CACNA1S: variants seen among roughly 807,000 people sequenced by gnomAD.
CACNA1S encodes voltage-dependent L-type calcium channel subunit alpha-1S.
CACNA1S carries 126 observed loss-of-function variants against 207.4 expected under a neutral mutation model. That is an observed-to-expected ratio of 0.61 (90% CI 0.53 to 0.70). CACNA1S has a LOEUF of 0.70. Ranked by LOEUF, CACNA1S falls within the 30% of genes least tolerant of loss-of-function variation. CACNA1S has a pLI of 0.00. For synonymous variants in CACNA1S, 960 were observed against 932.7 expected (o/e 1.03, Z -0.53); for missense variants, 2,349 against 2,422.8 (o/e 0.97, Z 0.64).
At chr1:201,092,391 G>A (rs189360650) in intron 3 of CACNA1S, among the ~76,000 whole-genome samples, 3 of 152,284 alleles carry the variant, frequency 2.0e-5, no homozygotes, top group Admixed American at 2.0e-4. Flanking sequence ...TGAGGTATGT[G>A]TGCCACAGGG....
Position 201,049,109 on chromosome 1 carries a change from G to C in CACNA1S, c.4242-10C>G, listed in dbSNP as rs574154912. ...GTGTTTGATTCTCCCCCTGCGGGAG[G>C]ACACACAGACTTGTGTACCTGCTAC... is the stretch of plus-strand genomic sequence containing the variant. On this transcript the variant is annotated splice_polypyrimidine_tract_variant and intron_variant, in intron 34 of 43. Coordinates refer to ENST00000362061, the MANE Select transcript of CACNA1S (RefSeq NM_000069.3). 5.0e-6 allele frequency: 8 copies of C among 1,592,446 alleles called. No homozygotes were observed. Among genetic ancestry groups the C allele is most frequent in the East Asian group, 4.5e-5 (2 of 44,318 alleles).
chr1:201,073,025 C>A (rs3767506), intron 15 of CACNA1S, among the ~76,000 whole-genome samples: 1 of 152,166 alleles, frequency 6.6e-6, no homozygotes, highest in Admixed American at 6.5e-5. Context: ...AAAGCTCCCA[C>A]GGGGCAAGGC....
At chr1:201,089,932 G>T (rs969846645) in intron 5 of CACNA1S, among the ~76,000 whole-genome samples, 2 of 152,194 alleles carry the variant, frequency 1.3e-5, no homozygotes, top group Admixed American at 6.5e-5. Flanking sequence ...ACGGGGCAGG[G>T]GTCTGCACTC....
At chr1:201,070,156 A>T (rs938870903) in intron 17 of CACNA1S, 116 bp downstream of exon 17, 2 of 1,139,352 alleles carry the variant, frequency 1.8e-6, no homozygotes, top group African/African-American at 1.5e-5. Flanking sequence ...AAGCTAAAAC[A>T]CTGAGTTTCT....
At chr1:201,063,264 G>A (rs1572037024) in intron 22 of CACNA1S, among the ~76,000 whole-genome samples, 1 of 151,612 alleles carries the variant, frequency 6.6e-6, no homozygotes, top group African/African-American at 2.4e-5. Context: ...GGGTCCCTGA[G>A]CAACATGTTT....
At chr1:201,084,289 A>G (rs1250684910) in intron 9 of CACNA1S, among the ~76,000 whole-genome samples, 2 of 152,144 alleles carry the variant, frequency 1.3e-5, no homozygotes, top group Admixed American at 1.3e-4. Flanking sequence ...AACAAAAACA[A>G]AAAAATCCTG....
intron 2 of CACNA1S, among the ~76,000 whole-genome samples, chr1:201,105,562 G>C (rs964935747): frequency 1.3e-5 from 2 of 152,040 alleles, no homozygotes; most frequent in African/African-American, 2.4e-5. Context: ...TCAGAGGCCC[G>C]TGCCACTGTG....
intron 1 of CACNA1S, among the ~76,000 whole-genome samples, chr1:201,111,940 T>TCCTCCCCCACCCTCCTCCTCTTCCTCCA: frequency 7.2e-6 from 1 of 138,814 alleles, no homozygotes; most frequent in African/African-American, 2.9e-5. Flanking sequence ...CTCTTCCTCC[T>TCCTCCCCCACCCTCCTCCTCTTCCTCCA]CCTCCCCCAC....
rs1215999888 is a variant in CACNA1S at position 201,039,771 on chromosome 1, C to G, written c.*60G>C. 3.8e-6 allele frequency: 6 copies of G among 1,598,188 alleles called. No individual in the cohort carries two copies. The East Asian group carries it at 1.3e-4, about 36-fold the overall frequency. ...GTGGGCTAGCCCTTCTCCACCCCAG[C>G]AACTTCCCCACCCCCATTGGTCATG... On this transcript the variant is annotated 3_prime_UTR_variant, in exon 44 of 44. Transcript: ENST00000362061.
At chr1:201,111,480 G>A (rs576148387) in intron 1 of CACNA1S, among the ~76,000 whole-genome samples, 1 of 152,148 alleles carries the variant, frequency 6.6e-6, no homozygotes, top group South Asian at 2.1e-4. Context: ...GAGTTTCAAA[G>A]TCCCTGTCCC....
Position 201,085,467 on chromosome 1 carries a change from G to A in CACNA1S, c.1119C>T (p.Gly373=), listed in dbSNP as rs777414745. 6.2e-6 allele frequency: 10 copies of A among 1,613,316 alleles called. No individual in the cohort carries two copies. The highest frequency in any genetic ancestry group is 2.2e-5 in the South Asian group (2 of 90,996). Residue 373 remains glycine (G), a synonymous_variant, in exon 8 of 44, where the codon GGC becomes GGT. Coordinates refer to ENST00000362061, the MANE Select transcript of CACNA1S (RefSeq NM_000069.3). ...LRGYMSWITQ[G]EVMDVEDFRE... ...TGAAGTCCTCAACATCCATGACCTC[G>A]CCCTGCGTGATCCAGCTCATGTAGC...
chr1:201,078,608 A>G (rs918502397), intron 10 of CACNA1S, among the ~76,000 whole-genome samples: 1 of 150,360 alleles, frequency 6.7e-6, no homozygotes, highest in African/African-American at 2.5e-5. Flanking sequence ...AGAGGATTTT[A>G]TTACTCTTAA....
intron 1 of CACNA1S, 146 bp from the exon 2 acceptor site, chr1:201,110,415 C>A: frequency 2.7e-6 from 2 of 733,072 alleles, no homozygotes. Flanking sequence ...GCTGCTCCTT[C>A]CCTGAGCCCC....
chr1:201,079,189 C>A (rs1275659953), intron 10 of CACNA1S, among the ~76,000 whole-genome samples: 1 of 151,800 alleles, frequency 6.6e-6, no homozygotes, highest in East Asian at 1.9e-4. Flanking sequence ...GCTCTCTCCT[C>A]CCTGTCACCG....
intron 19 of CACNA1S, among the ~76,000 whole-genome samples, chr1:201,068,860 G>A (rs565972087): frequency 6.6e-6 from 1 of 152,268 alleles, no homozygotes; most frequent in South Asian, 2.1e-4. Context: ...GACAGAGTGA[G>A]ACGACATCTA....
At chr1:201,104,862 C>T (rs919141721) in intron 2 of CACNA1S, among the ~76,000 whole-genome samples, 1 of 152,222 alleles carries the variant, frequency 6.6e-6, no homozygotes, top group Admixed American at 6.5e-5. Flanking sequence ...AGGATGTAGG[C>T]CTGCCCACAG....
In CACNA1S at chr1:201,066,286, C is replaced by T. The variant is rs945772592; in HGVS notation, c.2688G>A (p.Leu896=). The change falls in exon 21 of 44, where the codon CTG becomes CTA. Residue 896 remains leucine (L), a synonymous_variant. Coordinates refer to ENST00000362061, the MANE Select transcript of CACNA1S (RefSeq NM_000069.3). The surrounding 1 kb of genome is among the most constrained non-coding windows in gnomAD (Gnocchi z 4.3). ...ESSAISVVKI[L]RVLRVLRPLR... ...GTGGTCGGAGCACCCTCAGCACCCT[C>T]AGGATCTTCACCACGGAGATGGCAC... The T allele has an allele frequency of 1.9e-6, 3 of 1,612,936 alleles. No individual in the cohort carries two copies. The highest frequency in any genetic ancestry group is 2.5e-6 in the Non-Finnish European group (3 of 1,179,984).
intron 10 of CACNA1S, among the ~76,000 whole-genome samples, chr1:201,082,333 A>AT (rs77203267): frequency 0.29 from 44,375 of 151,792 alleles, 7,653 homozygotes; most frequent in East Asian, 0.78. Flanking sequence ...GGCCTCAGGT[A>AT]TTTTTTTTAT....
rs869064168 is a variant in CACNA1S, at chr1:201,079,132, AC to A, written c.1394-1029del. On this transcript the variant is annotated intron_variant, in intron 10 of 43. Transcript: ENST00000362061. ...GAGACTCCATCTCAAAAAAAAAAAA[AC>A]AAAAAAACCCAAGACTCTCCCATTT... Among the ~76,000 whole-genome samples, 5 of 149,418 alleles carry A rather than the reference AC, an allele frequency of 3.3e-5. 1 individual carries two copies. Among genetic ancestry groups the A allele is most frequent in the Non-Finnish European group, 4.5e-5 (3 of 67,238 alleles).
Sources: allele counts gnomAD v4.1 joint callset (sites outside exome capture counted in the v4.1 genomes callset), GRCh38; gene constraint gnomAD v4.1.1; non-coding constraint Gnocchi (gnomAD v3.1); transcripts MANE v1.5; gene names NCBI Gene and HGNC (gene_info 2026-07-23, HGNC 2026-07-21).